USP3: variants seen among roughly 807,000 people sequenced by gnomAD.
The protein encoded by USP3 is ubiquitin specific peptidase 3.
In USP3, 20 loss-of-function variants were observed where a neutral mutation model predicts 72.3. The ratio of observed to expected loss-of-function variants is 0.28; its 90% CI spans 0.19 to 0.40. The LOEUF (loss-of-function observed/expected upper bound fraction) is 0.40, where lower values mean the gene tolerates loss of function less well. Among genes scored for constraint, USP3 ranks in the 10% least tolerant of loss-of-function variants. The probability of loss-of-function intolerance (pLI) is 1.00; values close to 1 mark genes in which losing one functional copy is unlikely to be tolerated. For synonymous variants in USP3, 222 were observed against 225.3 expected (o/e 0.99, Z 0.13); for missense variants, 479 against 633.9 (o/e 0.76, Z 2.62).
At chr15:63,579,933 T>C (rs2066924518) in intron 11 of USP3, among the ~76,000 whole-genome samples, 1 of 152,206 alleles carries the variant, frequency 6.6e-6, no homozygotes, top group Non-Finnish European at 1.5e-5. Flanking sequence ...GTTGTTGTTA[T>C]AAGTCTAAAT....
At chr15:63,573,608 G>C (rs1237774445) in intron 9 of USP3, among the ~76,000 whole-genome samples, 1 of 152,186 alleles carries the variant, frequency 6.6e-6, no homozygotes, top group Non-Finnish European at 1.5e-5. Flanking sequence ...AACTATCTCA[G>C]ATCAAGGATG....
intron 3 of USP3, among the ~76,000 whole-genome samples, chr15:63,548,545 C>T (rs1161600145): frequency 2.6e-5 from 4 of 152,044 alleles, no homozygotes; most frequent in Admixed American, 2.0e-4. Flanking sequence ...TCAGGCTGAT[C>T]GCGAACTCCT....
At chr15:63,543,811 A>G (rs1189728053) in intron 3 of USP3, among the ~76,000 whole-genome samples, 1 of 152,242 alleles carries the variant, frequency 6.6e-6, no homozygotes, top group Non-Finnish European at 1.5e-5. Context: ...ATAAGACCTG[A>G]TAAGTTGGAC....
At chr15:63,543,662 C>T (rs6494411) in intron 3 of USP3, among the ~76,000 whole-genome samples, 124,009 of 152,164 alleles carry the variant, frequency 0.81, 52,495 homozygotes, top group African/African-American at 0.9. Flanking sequence ...GACACATGTT[C>T]TAAAAGGTTT....
intron 3 of USP3, chr15:63,551,308 T>G (rs2066433305): frequency 6.6e-6 from 1 of 152,058 alleles, no homozygotes; most frequent in African/African-American, 2.4e-5. Flanking sequence ...GTTGAGTCTT[T>G]TTTCTTTTCA....
chr15:63,508,349 T>G (rs902033583), intron 1 of USP3, among the ~76,000 whole-genome samples: 2 of 152,164 alleles, frequency 1.3e-5, no homozygotes, highest in Non-Finnish European at 2.9e-5. Flanking sequence ...GTTTTTGAAA[T>G]GTATTAGCTG....
rs1334391801 is a variant in USP3 at position 63,529,984 on chromosome 15, A to G, written c.92-2663A>G. ...CTGTCTCTACCAAAAAGAAAAACAGAAAATTAGCCAGGCGTGGTGGCAGAT... is the reference window on the plus strand; with the variant it reads ...CTGTCTCTACCAAAAAGAAAAACAGGAAATTAGCCAGGCGTGGTGGCAGAT... On this transcript the variant is annotated intron_variant, in intron 1 of 14. Transcript: ENST00000380324. This position sits in a 1 kb window ranked among gnomAD's most constrained non-coding sequence, Gnocchi z 4.2. Among the ~76,000 whole-genome samples the G allele has an allele frequency of 6.6e-6, 1 of 152,144 alleles. No individual in the cohort carries two copies. The highest frequency in any genetic ancestry group is 1.5e-5 in the Non-Finnish European group (1 of 68,018).
intron 1 of USP3, among the ~76,000 whole-genome samples, chr15:63,530,783 A>C (rs1468973620): frequency 6.6e-6 from 1 of 152,186 alleles, no homozygotes; most frequent in Admixed American, 6.5e-5. Context: ...TTTCTCTTCA[A>C]ACTGTAAAAA....
At chr15:63,533,964 A>G in intron 2 of USP3, 1 of 865,248 alleles carries the variant, frequency 1.2e-6, no homozygotes, top group Non-Finnish European at 1.4e-6. Flanking sequence ...TGTTCTCCAG[A>G]AGTCTCGTAG....
chr15:63,537,754 C>G (rs532748431), intron 3 of USP3, among the ~76,000 whole-genome samples: 3 of 152,106 alleles, frequency 2.0e-5, no homozygotes, highest in South Asian at 2.1e-4. Context: ...GGCGCAATAT[C>G]GGCTCACCTC....
intron 1 of USP3, among the ~76,000 whole-genome samples, chr15:63,524,348 T>C (rs1295832048): frequency 1.3e-5 from 2 of 152,208 alleles, no homozygotes; most frequent in African/African-American, 4.8e-5. Context: ...GGTCAGTCAT[T>C]CCAGTGAGTT....
intron 6 of USP3, among the ~76,000 whole-genome samples, chr15:63,558,897 T>A (rs1472651264): frequency 1.3e-5 from 2 of 151,950 alleles, no homozygotes; most frequent in African/African-American, 4.8e-5. Context: ...ATTAATTAAT[T>A]AATTAAATAA....
intron 1 of USP3, among the ~76,000 whole-genome samples, chr15:63,509,984 G>A (rs2065761330): frequency 6.6e-6 from 1 of 152,202 alleles, no homozygotes; most frequent in Non-Finnish European, 1.5e-5. Context: ...GTTGGGGGAA[G>A]AATTCGAACT....
rs748567216 is a variant in USP3, at chr15:63,504,852, C to T, written c.91+22C>T. On this transcript the variant is annotated intron_variant, in intron 1 of 14. Transcript: ENST00000380324. Reference sequence around the variant, plus strand: ...AGCGGTGAGTGCGGCCACGGGCCGGCCCCGCAGCGCACCCGAGGCCGCGGC... The same window carrying T: ...AGCGGTGAGTGCGGCCACGGGCCGGTCCCGCAGCGCACCCGAGGCCGCGGC... 26 of 1,563,782 alleles carry T rather than the reference C, an allele frequency of 1.7e-5. No individual in the cohort carries two copies. In the East Asian group the frequency reaches 4.3e-4, roughly 26 times the overall value.
At position 63,592,078 on chromosome 15, in the gene USP3, A is replaced by AT. The variant is rs1042847120; in HGVS notation, c.*1262dup. On this transcript the variant is annotated 3_prime_UTR_variant, in exon 15 of 15. Transcript: ENST00000380324. The stretch of plus-strand genomic sequence containing the variant: ...AGGTGCCCACCACTACACCTGGCTA[A>AT]TTTTTTTTTTGTATTTTTAGTAAAG... 9.9e-4 allele frequency: 147 copies of AT among 148,810 alleles called. 1 individual carries two copies. The highest frequency in any genetic ancestry group is 3.0e-3 in the African/African-American group (120 of 40,660). 9.2% of individuals were successfully genotyped at this position (148,810 alleles called of 1,614,324 possible). A position where few individuals can be genotyped will look rare whatever the true frequency, so the allele number is the denominator to read the frequency against.
At chr15:63,548,297 C>CTATT (rs1016536606) in intron 3 of USP3, among the ~76,000 whole-genome samples, 1 of 151,476 alleles carries the variant, frequency 6.6e-6, no homozygotes, top group African/African-American at 2.4e-5. Context: ...TCATGCTTGG[C>CTATT]TATTTATTTA....
At chr15:63,511,425 T>C (rs2065780814) in intron 1 of USP3, among the ~76,000 whole-genome samples, 1 of 152,162 alleles carries the variant, frequency 6.6e-6, no homozygotes, top group South Asian at 2.1e-4. Flanking sequence ...AAATTACTTA[T>C]TTTAAAATTT....
chr15:63,532,793 A>T, intron 2 of USP3, 86 bp downstream of exon 2: 1 of 1,378,842 alleles, frequency 7.3e-7, no homozygotes, highest in Non-Finnish European at 1.0e-6. Context: ...ATTGATTTGG[A>T]TTTAGTACCA....
chr15:63,564,131 A>T (rs1027429507), intron 8 of USP3, among the ~76,000 whole-genome samples: 5 of 152,196 alleles, frequency 3.3e-5, no homozygotes, highest in Non-Finnish European at 4.4e-5. Flanking sequence ...TAGACTCTTG[A>T]TAGAAGTTTA....
Sources: allele counts gnomAD v4.1 joint callset (sites outside exome capture counted in the v4.1 genomes callset), GRCh38; gene constraint gnomAD v4.1.1; non-coding constraint Gnocchi (gnomAD v3.1); transcripts MANE v1.5; gene names NCBI Gene and HGNC (gene_info 2026-07-23, HGNC 2026-07-21).